Variants in SVOPL observed in about 807,000 individuals in gnomAD.
The protein encoded by SVOPL is putative transporter SVOPL.
In SVOPL, 60 loss-of-function variants were observed where a neutral mutation model predicts 61.0. The ratio of observed to expected loss-of-function variants is 0.98; its 90% CI spans 0.80 to 1.22. SVOPL has a LOEUF of 1.22. Ranked by LOEUF, SVOPL falls within the 50% of genes most tolerant of loss-of-function variation. The pLI is 0.00. For missense variants in SVOPL, 662 were observed against 643.9 expected (o/e 1.03, Z -0.30); for synonymous variants, 279 against 250.0 (o/e 1.12, Z -1.09).
chr7:138,650,202 T>G (rs932014171), intron 7 of SVOPL, among the ~76,000 whole-genome samples: 2 of 152,122 alleles, frequency 1.3e-5, no homozygotes, highest in Admixed American at 6.6e-5. Flanking sequence ...TTAACACATT[T>G]TGGAGATAAA....
chr7:138,615,854 A>T lies in SVOPL; in HGVS notation c.1353+5192T>A, dbSNP rs1451967602. The stretch of plus-strand genomic sequence containing the variant: ...AGTTTAAGAAAGGAAAAATTTTTTA[A>T]AAAATAAAACAAAAATAAAAGACCA... On this transcript the variant is annotated intron_variant, in intron 14 of 15. Transcript: ENST00000674285. Among the ~76,000 whole-genome samples, 8 of 143,756 alleles carry T rather than the reference A, an allele frequency of 5.6e-5. No individual in the cohort carries two copies. The East Asian group carries it at 9.8e-4, about 18-fold the overall frequency. 94.3% of individuals were successfully genotyped at this position (143,756 alleles called of 152,430 possible). A position where few individuals can be genotyped will look rare whatever the true frequency, so the allele number is the denominator to read the frequency against.
chr7:138,608,958 A>G (rs1473327035), intron 14 of SVOPL, among the ~76,000 whole-genome samples: 1 of 152,140 alleles, frequency 6.6e-6, no homozygotes, highest in Non-Finnish European at 1.5e-5. Flanking sequence ...AAACCCACCC[A>G]CCCACACATA....
At chr7:138,644,996 T>C in intron 8 of SVOPL, 151 bp from the exon 9 acceptor site, 1 of 1,032,242 alleles carries the variant, frequency 9.7e-7, no homozygotes, top group Non-Finnish European at 1.4e-6. Flanking sequence ...AGGTATTCTG[T>C]TGGATTCAAA....
intron 1 of SVOPL, among the ~76,000 whole-genome samples, chr7:138,682,828 C>A (rs187131319): frequency 6.6e-6 from 1 of 151,656 alleles, no homozygotes; most frequent in African/African-American, 2.4e-5. Context: ...ATTAGCCAGG[C>A]GTGATGGTGC....
intron 2 of SVOPL, 107 bp downstream of exon 2, chr7:138,678,854 GCCA>G (rs1802637724): frequency 8.9e-7 from 1 of 1,126,454 alleles, no homozygotes; most frequent in Admixed American, 2.3e-5. Flanking sequence ...ACAGGTGTGA[GCCA>G]CCATGCCTGG....
chr7:138,621,289 A>G (rs1479325735), intron 13 of SVOPL, among the ~76,000 whole-genome samples, 154 bp from the exon 14 acceptor site: 2 of 152,218 alleles, frequency 1.3e-5, no homozygotes, highest in Non-Finnish European at 2.9e-5. Flanking sequence ...TTTCTCAGGT[A>G]CACAACTTTG....
intron 6 of SVOPL, among the ~76,000 whole-genome samples, chr7:138,657,465 T>C (rs370165610): frequency 5.9e-5 from 9 of 151,974 alleles, no homozygotes; most frequent in African/African-American, 2.2e-4. Flanking sequence ...TAAAACACAT[T>C]GGGAAATTAA....
chr7:138,603,315 A>G (rs1798608841), intron 14 of SVOPL, among the ~76,000 whole-genome samples: 1 of 152,198 alleles, frequency 6.6e-6, no homozygotes, highest in Non-Finnish European at 1.5e-5. Context: ...ACCTATGGTA[A>G]ATTCCTCACA....
chr7:138,663,121 A>G lies in SVOPL; in HGVS notation c.298T>C (p.Phe100Leu), dbSNP rs372787003. Residue 100 changes from phenylalanine (F) to leucine (L), a missense_variant, in exon 5 of 16, where the codon TTC (phenylalanine) becomes CTC (leucine). Coordinates refer to ENST00000674285, the MANE Select transcript of SVOPL (RefSeq NM_001139456.2). ...GCCAGGAGGCCAAAGAGGATACTGAAAACCATGTAGCCAAAAAACACCATC... is the reference window on the plus strand; with the variant it reads ...GCCAGGAGGCCAAAGAGGATACTGAGAACCATGTAGCCAAAAAACACCATC... ...TTMVFFGYMV[F>L]SILFGLLADR... 1.9e-6 allele frequency: 3 copies of G among 1,614,024 alleles called. No homozygotes were observed. The African/African-American group carries it at 4.0e-5, about 22-fold the overall frequency.
chr7:138,629,780 C>T (rs1277746233), intron 10 of SVOPL, among the ~76,000 whole-genome samples: 2 of 152,110 alleles, frequency 1.3e-5, no homozygotes, highest in South Asian at 2.1e-4. Flanking sequence ...GACCAGGCTG[C>T]AAAAGTTAGG....
intron 3 of SVOPL, among the ~76,000 whole-genome samples, chr7:138,677,743 C>CTT (rs34687538): frequency 4.5e-4 from 61 of 134,702 alleles, no homozygotes; most frequent in East Asian, 2.0e-3. Context: ...TCTACACAAT[C>CTT]TTTTTTTTTT....
chr7:138,689,178 G>T, intron 1 of SVOPL: 4 of 1,051,114 alleles, frequency 3.8e-6, no homozygotes, highest in Non-Finnish European at 5.9e-6. Context: ...CAATGGTGGA[G>T]TGGGCAGGTG....
chr7:138,679,928 A>G lies in SVOPL; in HGVS notation c.-34-849T>C, dbSNP rs191291826. 6.6e-5 allele frequency among the ~76,000 whole-genome samples: 10 copies of G among 152,312 alleles called. No individual in the cohort carries two copies. In the East Asian group the frequency reaches 1.9e-3, roughly 29 times the overall value. On this transcript the variant is annotated intron_variant, in intron 1 of 15. Coordinates refer to ENST00000674285, the MANE Select transcript of SVOPL (RefSeq NM_001139456.2). Reference sequence around the variant, plus strand: ...GGCACGTAAGGAACCTGAGAAATGGAGAGACTAAATGGCTAAATTAGATAA... The same window carrying G: ...GGCACGTAAGGAACCTGAGAAATGGGGAGACTAAATGGCTAAATTAGATAA...
chr7:138,653,117 A>C (rs934331595), intron 7 of SVOPL, among the ~76,000 whole-genome samples: 2 of 152,130 alleles, frequency 1.3e-5, no homozygotes, highest in African/African-American at 4.8e-5. Flanking sequence ...AGGCTAAGAG[A>C]GGTGGGGAAG....
chr7:138,612,447 T>TAAAAAAAAAA (rs59229265), intron 14 of SVOPL, among the ~76,000 whole-genome samples: 7 of 22,294 alleles, frequency 3.1e-4, no homozygotes, highest in South Asian at 2.5e-3. Context: ...AAAAAAAAAA[T>TAAAAAAAAAA]AAAAAAAAAA....
At chr7:138,699,913 G>C (rs1461566158) in intron 1 of SVOPL, among the ~76,000 whole-genome samples, 1 of 152,148 alleles carries the variant, frequency 6.6e-6, no homozygotes, top group African/African-American at 2.4e-5. Context: ...TTGCCAAGAG[G>C]GGGAAGAAAC....
intron 4 of SVOPL, among the ~76,000 whole-genome samples, chr7:138,666,579 G>A (rs1395218366): frequency 1.3e-5 from 2 of 152,130 alleles, no homozygotes; most frequent in Non-Finnish European, 2.9e-5. Context: ...TTACAACCCA[G>A]ACCACTACAG....
rs562308562 is a variant in SVOPL, at chr7:138,699,559, C to G, written c.-35+1619G>C. Among the ~76,000 whole-genome samples the G allele has an allele frequency of 9.2e-5, 14 of 152,236 alleles. No homozygotes were observed. The East Asian group carries it at 2.7e-3, about 29-fold the overall frequency. ...GCTACTTTCCTACTGGAAAATAAGA[C>G]CTCAAAACCTCTCCAAACTAGTCAC... is the stretch of plus-strand genomic sequence containing the variant. On this transcript the variant is annotated intron_variant, in intron 1 of 15. Coordinates refer to ENST00000674285, the MANE Select transcript of SVOPL (RefSeq NM_001139456.2).
At chr7:138,615,437 G>T (rs1449378601) in intron 14 of SVOPL, among the ~76,000 whole-genome samples, 2 of 151,916 alleles carry the variant, frequency 1.3e-5, no homozygotes, top group Non-Finnish European at 2.9e-5. Context: ...GGCGCCTGTA[G>T]TCCCAGCTAC....
Sources: gnomAD v4.1 joint callset for allele counts (sites outside exome capture counted in the v4.1 genomes callset) on GRCh38, gnomAD v4.1.1 for gene constraint, MANE v1.5 for transcripts, NCBI Gene and HGNC (gene_info 2026-07-23, HGNC 2026-07-21) for gene names.